Variants in ANKRD42 observed in about 807,000 individuals in gnomAD.
ANKRD42 encodes the protein ankyrin repeat domain 42, also known as ankyrin repeat domain-containing protein 42.
ANKRD42 carries 43 observed loss-of-function variants against 51.5 expected under a neutral mutation model. The observed-to-expected ratio is 0.83, with a 90% CI of 0.65 to 1.08. ANKRD42 has a LOEUF of 1.08. ANKRD42 is among the 50% of genes least tolerant of loss of function. The pLI, the probability that ANKRD42 is intolerant of heterozygous loss-of-function variation, is 0.00. For synonymous variants in ANKRD42, 203 were observed against 213.0 expected (o/e 0.95, Z 0.41); for missense variants, 608 against 629.3 (o/e 0.97, Z 0.36).
rs1565171452 is a variant in ANKRD42, at chr11:83,194,614, C to G, written c.-57C>G. The G allele has an allele frequency of 3.8e-6, 6 of 1,574,372 alleles. No individual in the cohort carries two copies. The East Asian group carries it at 1.4e-4, about 35-fold the overall frequency. On this transcript the variant is annotated 5_prime_UTR_variant, in exon 1 of 11. Coordinates refer to ENST00000533342, the MANE Select transcript of ANKRD42 (RefSeq NM_001300975.2). Reference sequence around the variant, plus strand: ...CTCGTGGGTGAGAGCAAGTGAAGACCGCCGCAGCATCAGGGGCCTGGACTC... The same window carrying G: ...CTCGTGGGTGAGAGCAAGTGAAGACGGCCGCAGCATCAGGGGCCTGGACTC...
downstream of ANKRD42, among the ~76,000 whole-genome samples, chr11:83,263,918 C>T (rs970450945): frequency 3.9e-5 from 6 of 152,172 alleles, no homozygotes; most frequent in East Asian, 1.9e-4. Context: ...CCTGCTGGCA[C>T]CTCAACATCA....
intron 5 of ANKRD42, among the ~76,000 whole-genome samples, chr11:83,212,463 C>T (rs1862360951): frequency 6.6e-6 from 1 of 152,110 alleles, no homozygotes; most frequent in Non-Finnish European, 1.5e-5. Context: ...AGTTGTCTAA[C>T]CTACAGTAAA....
intron 3 of ANKRD42, 128 bp from the exon 4 acceptor site, chr11:83,210,172 A>G (rs1233606968): frequency 4.7e-6 from 4 of 844,608 alleles, no homozygotes; most frequent in Non-Finnish European, 7.0e-6. Flanking sequence ...CCTGTAGCAC[A>G]TATGTAAGAA....
chr11:83,194,795 C>A, intron 1 of ANKRD42, 67 bp downstream of exon 1: 1 of 1,469,098 alleles, frequency 6.8e-7, no homozygotes, highest in Non-Finnish European at 9.1e-7. Context: ...CCGCAACAGC[C>A]TTAGCCCTTT....
chr11:83,242,691 G>A (rs1194876203), intron 9 of ANKRD42, among the ~76,000 whole-genome samples: 15 of 151,100 alleles, frequency 9.9e-5, no homozygotes, highest in African/African-American at 3.4e-4. Context: ...TCAGCCTCCC[G>A]AGTAGTGGTG....
downstream of ANKRD42, among the ~76,000 whole-genome samples, chr11:83,249,195 AGTT>A (rs777132524): frequency 3.3e-5 from 5 of 152,178 alleles, no homozygotes; most frequent in East Asian, 3.9e-4. Context: ...GTAAGTTGTA[AGTT>A]GTTGTTCTTC....
downstream of ANKRD42, chr11:83,262,091 G>T: frequency 1.6e-6 from 1 of 609,878 alleles, no homozygotes; most frequent in Non-Finnish European, 2.8e-6. Flanking sequence ...TCTATCCTAT[G>T]TTTTTTATTC....
At chr11:83,233,423 T>C (rs1483970068) in intron 7 of ANKRD42, among the ~76,000 whole-genome samples, 1 of 152,144 alleles carries the variant, frequency 6.6e-6, no homozygotes. Flanking sequence ...GCAGTATCAG[T>C]TGTAATGTCT....
intron 10 of ANKRD42, among the ~76,000 whole-genome samples, chr11:83,247,469 G>T (rs1452255763): frequency 6.6e-6 from 1 of 152,116 alleles, no homozygotes. Context: ...TGTTCCTTTT[G>T]TCTGGAATGC....
intron 5 of ANKRD42, chr11:83,213,386 C>T: frequency 2.5e-6 from 4 of 1,572,670 alleles, no homozygotes; most frequent in Non-Finnish European, 3.4e-6. Flanking sequence ...CCAGGCTGCG[C>T]AGTGAAGAAA....
intron 9 of ANKRD42, among the ~76,000 whole-genome samples, chr11:83,244,316 T>C (rs778380398): frequency 5.9e-5 from 9 of 152,144 alleles, no homozygotes; most frequent in Non-Finnish European, 1.0e-4. Context: ...CTTGAACTTA[T>C]AGGTCTGGAA....
intron 10 of ANKRD42, among the ~76,000 whole-genome samples, chr11:83,247,197 C>A (rs947619518): frequency 5.1e-4 from 77 of 151,690 alleles, no homozygotes; most frequent in Non-Finnish European, 8.5e-4. Flanking sequence ...TAGAAAAGTA[C>A]CTCATGGTGG....
intron 5 of ANKRD42, among the ~76,000 whole-genome samples, chr11:83,217,158 G>A (rs1862567281): frequency 6.6e-6 from 1 of 152,180 alleles, no homozygotes; most frequent in African/African-American, 2.4e-5. Flanking sequence ...GCAAGTAATA[G>A]TAGGATGGCT....
At chr11:83,255,204 T>C (rs1480107281) in intron 11 of ANKRD42, among the ~76,000 whole-genome samples, 1 of 152,242 alleles carries the variant, frequency 6.6e-6, no homozygotes, top group Non-Finnish European at 1.5e-5. Context: ...GAAGAATTAC[T>C]CAAAGATGAT....
intron 3 of ANKRD42, among the ~76,000 whole-genome samples, chr11:83,208,903 C>T (rs1235717370): frequency 1.3e-5 from 2 of 152,128 alleles, no homozygotes; most frequent in Non-Finnish European, 2.9e-5. Context: ...ACCTCAGCCT[C>T]CCAAAGTGCC....
At chr11:83,243,699 T>A (rs2135554254) in intron 9 of ANKRD42, among the ~76,000 whole-genome samples, 1 of 152,246 alleles carries the variant, frequency 6.6e-6, no homozygotes, top group South Asian at 2.1e-4. Flanking sequence ...AGTCTTGCTC[T>A]TGCCCAGGCT....
chr11:83,208,112 C>T (rs1033336865), intron 3 of ANKRD42, among the ~76,000 whole-genome samples: 6 of 152,174 alleles, frequency 3.9e-5, no homozygotes, highest in Non-Finnish European at 7.3e-5. Context: ...CAGCATCAAC[C>T]TCCTGGGCCC....
At chr11:83,212,958 CT>C (rs750870893) in intron 5 of ANKRD42, 1 of 1,553,002 alleles carries the variant, frequency 6.4e-7, no homozygotes, top group South Asian at 1.2e-5. Context: ...AAAAGCCCCT[CT>C]CTCGGCGCTG....
At chr11:83,260,010 A>C (rs891900061), downstream of ANKRD42, 4 of 152,280 alleles carry the variant, frequency 2.6e-5, no homozygotes, top group African/African-American at 9.6e-5. Context: ...GGTCCCAAAC[A>C]GGAGTGGGGA....
Sources: gnomAD v4.1 joint callset for allele counts (sites outside exome capture counted in the v4.1 genomes callset) on GRCh38, gnomAD v4.1.1 for gene constraint, MANE v1.5 for transcripts, NCBI Gene and HGNC (gene_info 2026-07-23, HGNC 2026-07-21) for gene names.